SH3RF3: variants seen among roughly 807,000 people sequenced by gnomAD.
SH3RF3 encodes the protein SH3 domain containing ring finger 3, also known as E3 ubiquitin-protein ligase SH3RF3.
Under a neutral mutation model 66.3 loss-of-function variants are expected in SH3RF3, and 29 were observed. The observed-to-expected ratio is 0.44, with a 90% CI of 0.33 to 0.60. The LOEUF is 0.60. Among genes scored for constraint, SH3RF3 ranks in the 20% least tolerant of loss-of-function variants. The probability of loss-of-function intolerance (pLI) is 0.04; values close to 1 mark genes in which losing one functional copy is unlikely to be tolerated. For synonymous variants in SH3RF3, 583 were observed against 532.0 expected, an observed-to-expected ratio of 1.10 and a Z score of -1.32; for missense variants, 1,194 against 1,190.9, an observed-to-expected ratio of 1.00 and a Z score of -0.04.
intron 5 of SH3RF3, among the ~76,000 whole-genome samples, chr2:109,428,841 G>A (rs541467222): frequency 3.3e-5 from 5 of 152,270 alleles, no homozygotes; most frequent in South Asian, 2.1e-4. Flanking sequence ...CAAGCAAATG[G>A]AAGGTGAGAG....
At chr2:109,302,622 T>G (rs1681497577) in intron 1 of SH3RF3, among the ~76,000 whole-genome samples, 1 of 152,200 alleles carries the variant, frequency 6.6e-6, no homozygotes, top group Non-Finnish European at 1.5e-5. Flanking sequence ...GCGTAGGGGA[T>G]TAGCCAGCCC....
At chr2:109,329,465 G>A (rs1472831178) in intron 1 of SH3RF3, among the ~76,000 whole-genome samples, 1 of 152,206 alleles carries the variant, frequency 6.6e-6, no homozygotes, top group African/African-American at 2.4e-5. Flanking sequence ...GGTTCCAGAG[G>A]CCATGGCTGG....
At chr2:109,418,948 C>G (rs1676797807) in intron 4 of SH3RF3, among the ~76,000 whole-genome samples, 1 of 152,144 alleles carries the variant, frequency 6.6e-6, no homozygotes. Flanking sequence ...CCCCCACTGT[C>G]CCCAGAGAGC....
At chr2:109,461,063 G>A (rs1376950483) in intron 8 of SH3RF3, among the ~76,000 whole-genome samples, 1 of 152,372 alleles carries the variant, frequency 6.6e-6, no homozygotes, top group East Asian at 1.9e-4. Context: ...AGAGAAGGCA[G>A]CATAGCAGGA....
chr2:109,164,099 T>A (rs1295239627), intron 1 of SH3RF3, among the ~76,000 whole-genome samples: 1 of 152,216 alleles, frequency 6.6e-6, no homozygotes, highest in African/African-American at 2.4e-5. Flanking sequence ...GGAGGAGGCC[T>A]ACTCTTCTCT....
chr2:109,410,580 T>C (rs941663595), intron 4 of SH3RF3, among the ~76,000 whole-genome samples: 1 of 152,216 alleles, frequency 6.6e-6, no homozygotes, highest in Non-Finnish European at 1.5e-5. Context: ...GGCTGTGTTG[T>C]TGAGCATCCT....
chr2:109,373,572 T>A (rs576546818), intron 3 of SH3RF3, among the ~76,000 whole-genome samples: 9 of 151,340 alleles, frequency 5.9e-5, no homozygotes, highest in Middle Eastern at 3.4e-3. Flanking sequence ...GCCGTATGGG[T>A]TTTTTTAGGA....
At chr2:109,328,486 A>G (rs1313105709) in intron 1 of SH3RF3, among the ~76,000 whole-genome samples, 1 of 152,046 alleles carries the variant, frequency 6.6e-6, no homozygotes, top group African/African-American at 2.4e-5. Context: ...ACATCTGAGG[A>G]CTTGGCTAGA....
At chr2:109,407,530 G>A (rs1010366459) in intron 4 of SH3RF3, among the ~76,000 whole-genome samples, 3 of 152,188 alleles carry the variant, frequency 2.0e-5, no homozygotes, top group African/African-American at 7.2e-5. Context: ...TGAAGGAGCT[G>A]AAGCAGGACC....
chr2:109,191,965 G>A (rs956415096), intron 1 of SH3RF3, among the ~76,000 whole-genome samples: 7 of 152,060 alleles, frequency 4.6e-5, no homozygotes, highest in South Asian at 4.2e-4. Context: ...GACAAAAAGG[G>A]CCTCACACTC....
chr2:109,289,227 C>G (rs1032387073), intron 1 of SH3RF3, among the ~76,000 whole-genome samples: 3 of 152,216 alleles, frequency 2.0e-5, no homozygotes, highest in Non-Finnish European at 4.4e-5. Context: ...ACTGCACGCT[C>G]TATGTGCACA....
intron 8 of SH3RF3, among the ~76,000 whole-genome samples, chr2:109,473,698 G>A (rs149470833): frequency 1.8e-3 from 276 of 151,992 alleles, no homozygotes; most frequent in Middle Eastern, 3.4e-3. Context: ...TCCTGCTGCC[G>A]TGCCCAGCTC....
intron 3 of SH3RF3, among the ~76,000 whole-genome samples, chr2:109,394,244 T>C (rs1393613563): frequency 1.3e-5 from 2 of 152,190 alleles, no homozygotes; most frequent in African/African-American, 4.8e-5. Context: ...AGACAAAGTG[T>C]TGGGAGGGGC....
intron 1 of SH3RF3, among the ~76,000 whole-genome samples, chr2:109,143,423 A>G (rs1008126821): frequency 1.3e-5 from 2 of 152,130 alleles, no homozygotes; most frequent in Non-Finnish European, 2.9e-5. Context: ...AGCAACCCAG[A>G]TGTCCATCAC....
rs1180356452 is a variant in SH3RF3 at position 109,503,906 on chromosome 2, T to C, written c.*2235T>C. ...GCATGGTAGAGAGCTGGGGCGAATA[T>C]CTCCATGTCTTTGGAGGATGTCAGC... On this transcript the variant is annotated 3_prime_UTR_variant, in exon 10 of 10. Transcript: ENST00000309415. The C allele has an allele frequency of 7.9e-5, 12 of 152,142 alleles. No individual in the cohort carries two copies. The highest frequency in any genetic ancestry group is 2.7e-4 in the African/African-American group (11 of 41,414). 9.4% of individuals were successfully genotyped at this position (152,142 alleles called of 1,614,324 possible).
chr2:109,422,841 G>A (rs1466689171), intron 5 of SH3RF3, among the ~76,000 whole-genome samples: 1 of 152,164 alleles, frequency 6.6e-6, no homozygotes, highest in Non-Finnish European at 1.5e-5. Context: ...AAGGACCGGA[G>A]GAGGCAGGGA....
intron 1 of SH3RF3, among the ~76,000 whole-genome samples, chr2:109,289,388 G>A (rs1259993856): frequency 6.6e-6 from 1 of 152,080 alleles, no homozygotes; most frequent in African/African-American, 2.4e-5. Context: ...AGAGTTTTAG[G>A]GTACTCTTCT....
At chr2:109,303,401 C>T (rs539608469) in intron 1 of SH3RF3, among the ~76,000 whole-genome samples, 8 of 152,338 alleles carry the variant, frequency 5.3e-5, no homozygotes, top group African/African-American at 1.7e-4. Flanking sequence ...TTTTCTCCTT[C>T]GCTCACACTA....
At position 109,449,285 on chromosome 2, in the gene SH3RF3, G is replaced by A. The variant is rs868619651; in HGVS notation, c.1944G>A (p.Val648=). ...CCAGCCTCAGGCCCCACTCGGTGGTGTCCCCGCAGCACAGCCACCAGCCCC... is the reference window on the plus strand; with the variant it reads ...CCAGCCTCAGGCCCCACTCGGTGGTATCCCCGCAGCACAGCCACCAGCCCC... ...PATSLRPHSV[V]SPQHSHQPPV... The change falls in exon 8 of 10, where the codon GTG becomes GTA. Residue 648 remains valine, a synonymous_variant. Coordinates refer to ENST00000309415, the MANE Select transcript of SH3RF3 (RefSeq NM_001099289.3). The A allele has an allele frequency of 1.2e-6, 2 of 1,609,876 alleles. No individual in the cohort carries two copies. Among genetic ancestry groups the A allele is most frequent in the Non-Finnish European group, 1.7e-6 (2 of 1,178,102 alleles).
Sources: allele counts gnomAD v4.1 joint callset (sites outside exome capture counted in the v4.1 genomes callset), GRCh38; gene constraint gnomAD v4.1.1; transcripts MANE v1.5; gene names NCBI Gene and HGNC (gene_info 2026-07-23, HGNC 2026-07-21).